VAV2: variants seen among roughly 807,000 people sequenced by gnomAD.
VAV2 encodes guanine nucleotide exchange factor VAV2.
A neutral mutation model predicts 132.5 loss-of-function variants in VAV2; 67 were observed. That is an observed-to-expected ratio of 0.51 (90% CI 0.42 to 0.62). VAV2 has a LOEUF of 0.62. Among genes scored for constraint, VAV2 ranks in the 20% least tolerant of loss-of-function variants. The pLI is 0.00. For synonymous variants in VAV2, 492 were observed against 443.5 expected (o/e 1.11, Z -1.37); for missense variants, 938 against 1,153.6 (o/e 0.81, Z 2.71).
intron 2 of VAV2, among the ~76,000 whole-genome samples, chr9:133,868,658 A>G (rs1191308020): frequency 6.6e-6 from 1 of 152,264 alleles, no homozygotes; most frequent in Admixed American, 6.5e-5. Context: ...AGAAGCGTGC[A>G]TGTTTGTTAT....
At chr9:133,777,225 C>G (rs923570381) in intron 23 of VAV2, among the ~76,000 whole-genome samples, 164 bp downstream of exon 23, 1 of 152,152 alleles carries the variant, frequency 6.6e-6, no homozygotes, top group African/African-American at 2.4e-5. Flanking sequence ...CAGCCCCCCA[C>G]CCATCTTCTC....
In VAV2 at chr9:133,939,245, C is replaced by G. The variant is rs775517780; in HGVS notation, c.205-26G>C. ...CTAAAGGGAAAAAACAAAGGGAGGG[C>G]AAGGAAAAACTTATTAAAACTGTAA... On this transcript the variant is annotated intron_variant, in intron 1 of 29. Transcript: ENST00000371850. 3 of 1,596,390 alleles carry G rather than the reference C, an allele frequency of 1.9e-6. No homozygotes were observed. The South Asian group carries it at 3.3e-5, about 18-fold the overall frequency.
intron 16 of VAV2, among the ~76,000 whole-genome samples, chr9:133,786,332 C>T (rs1834222472): frequency 6.6e-6 from 1 of 152,092 alleles, no homozygotes; most frequent in Admixed American, 6.5e-5. Context: ...CACATGCACC[C>T]ATGCTGTGTG....
In VAV2 at chr9:133,853,659, C is replaced by T. The variant is rs547314748; in HGVS notation, c.380+7715G>A. On this transcript the variant is annotated intron_variant, in intron 3 of 29. Transcript: ENST00000371850. ...CACCAAAGCGCTTCCCCACCCAGGG[C>T]CAGCTCTGTCACTAGCCTTGGCTGC... Among the ~76,000 whole-genome samples, 7 of 152,282 alleles carry T rather than the reference C, an allele frequency of 4.6e-5. No homozygotes were observed. In the East Asian group the frequency reaches 1.2e-3, roughly 25 times the overall value.
Position 133,773,688 on chromosome 9 carries a change from C to T in VAV2, c.2135+1247G>A, listed in dbSNP as rs116319628. Among the ~76,000 whole-genome samples the T allele has an allele frequency of 3.0e-3, 460 of 152,084 alleles. 3 individuals are homozygous for T. Among genetic ancestry groups the T allele is most frequent in the African/African-American group, 0.01 (429 of 41,462 alleles). ...TGTTTTTACTCCTAAGACAACAATGCCTTCTTCTAGAATGTCTCCTGAAGG... is the reference window on the plus strand; with the variant it reads ...TGTTTTTACTCCTAAGACAACAATGTCTTCTTCTAGAATGTCTCCTGAAGG... On this transcript the variant is annotated intron_variant, in intron 25 of 29. Coordinates refer to ENST00000371850, the MANE Select transcript of VAV2 (RefSeq NM_001134398.2).
In VAV2 at chr9:133,914,301, G is replaced by A. The variant is rs144316483; in HGVS notation, c.321+24802C>T. Among the ~76,000 whole-genome samples, 937 of 152,262 alleles carry A rather than the reference G, an allele frequency of 6.2e-3. 9 individuals carry two copies. The highest frequency in any genetic ancestry group is 0.01 in the Middle Eastern group (3 of 294). ...AACAGGATGGGAAGACAGGTGTTCAGAAATGCACCGGGACACGAATGTCCC... is the reference window on the plus strand; with the variant it reads ...AACAGGATGGGAAGACAGGTGTTCAAAAATGCACCGGGACACGAATGTCCC... On this transcript the variant is annotated intron_variant, in intron 2 of 29. Transcript: ENST00000371850.
rs1833526437 is a variant in VAV2, at chr9:133,768,962, T to C, written c.2435-366A>G. ...CCTGATAGACAGGTGACAATGACCA[T>C]GGCTGAGGGCGAAACACACACAGCT... On this transcript the variant is annotated intron_variant, in intron 28 of 29. Coordinates refer to ENST00000371850, the MANE Select transcript of VAV2 (RefSeq NM_001134398.2). This position sits in a 1 kb window ranked among gnomAD's most constrained non-coding sequence, Gnocchi z 5.3. 6.6e-6 allele frequency among the ~76,000 whole-genome samples: 1 copy of C among 152,066 alleles called. No individual in the cohort carries two copies. Among genetic ancestry groups the C allele is most frequent in the South Asian group, 2.1e-4 (1 of 4,822 alleles).
intron 11 of VAV2, among the ~76,000 whole-genome samples, chr9:133,796,125 G>A (rs1443757671): frequency 6.6e-6 from 1 of 152,234 alleles, no homozygotes; most frequent in East Asian, 1.9e-4. Flanking sequence ...TTTCTGCCAT[G>A]GCCACCAGGA....
chr9:133,816,416 A>G (rs1322144587), intron 4 of VAV2, among the ~76,000 whole-genome samples: 1 of 152,230 alleles, frequency 6.6e-6, no homozygotes, highest in Admixed American at 6.5e-5. Context: ...GCTGTCTTTC[A>G]ATCACAATAT....
intron 1 of VAV2, among the ~76,000 whole-genome samples, chr9:133,977,893 C>G (rs1484942265): frequency 6.6e-6 from 1 of 152,222 alleles, no homozygotes; most frequent in East Asian, 1.9e-4. Flanking sequence ...TGCCCCTCAG[C>G]TGGCAAAGGG....
intron 4 of VAV2, among the ~76,000 whole-genome samples, chr9:133,818,320 C>G (rs887560223): frequency 3.3e-5 from 5 of 149,404 alleles, no homozygotes; most frequent in Non-Finnish European, 7.4e-5. Flanking sequence ...GAGGTGAGAT[C>G]GCGCCACTGC....
intron 1 of VAV2, among the ~76,000 whole-genome samples, chr9:133,943,057 G>A (rs1039362379): frequency 1.3e-5 from 2 of 152,242 alleles, no homozygotes; most frequent in Non-Finnish European, 2.9e-5. Flanking sequence ...TAAGGACGTG[G>A]GCACCTGACC....
chr9:133,906,517 GC>G (rs1450871357), intron 2 of VAV2, among the ~76,000 whole-genome samples: 1 of 152,180 alleles, frequency 6.6e-6, no homozygotes, highest in East Asian at 1.9e-4. Context: ...CTTCAATCCT[GC>G]AAGGACGTGG....
At chr9:133,805,805 T>G (rs1409564213) in intron 9 of VAV2, among the ~76,000 whole-genome samples, 3 of 152,188 alleles carry the variant, frequency 2.0e-5, no homozygotes, top group Non-Finnish European at 2.9e-5. Context: ...CCGAGCCACT[T>G]GGATGGCCAC....
At chr9:133,909,344 G>A (rs1182101839) in intron 2 of VAV2, among the ~76,000 whole-genome samples, 1 of 152,152 alleles carries the variant, frequency 6.6e-6, no homozygotes, top group Non-Finnish European at 1.5e-5. Context: ...CTCAGCAGGA[G>A]GTTCAAAACT....
At chr9:133,786,734 T>G (rs528590865) in intron 16 of VAV2, among the ~76,000 whole-genome samples, 1 of 152,248 alleles carries the variant, frequency 6.6e-6, no homozygotes, top group South Asian at 2.1e-4. Flanking sequence ...CCCACAGGCC[T>G]CGCCATCTCT....
Position 133,825,320 on chromosome 9 carries a change from C to T in VAV2, c.449+8952G>A, listed in dbSNP as rs75410115. Among the ~76,000 whole-genome samples the T allele has an allele frequency of 4.6e-4, 70 of 152,264 alleles. No homozygotes were observed. The East Asian group carries it at 0.013, about 28-fold the overall frequency. ...CGAGCCTCGGGCCACCAGGGAGGGACGGGGGGATGCCTGTCAACACCTCCT... is the reference window on the plus strand; with the variant it reads ...CGAGCCTCGGGCCACCAGGGAGGGATGGGGGGATGCCTGTCAACACCTCCT... On this transcript the variant is annotated intron_variant, in intron 4 of 29. Coordinates refer to ENST00000371850, the MANE Select transcript of VAV2 (RefSeq NM_001134398.2).
chr9:133,861,780 T>C (rs1463097967), intron 2 of VAV2, among the ~76,000 whole-genome samples: 2 of 152,152 alleles, frequency 1.3e-5, no homozygotes, highest in Non-Finnish European at 2.9e-5. Flanking sequence ...ACTCATCCCA[T>C]GCTGCTGTTC....
In VAV2 at chr9:133,768,124, T is replaced by G. The variant is rs975231471; in HGVS notation, c.2589+318A>C. 2.6e-5 allele frequency among the ~76,000 whole-genome samples: 4 copies of G among 152,082 alleles called. No individual in the cohort carries two copies. The highest frequency in any genetic ancestry group is 9.7e-5 in the African/African-American group (4 of 41,396). ...CAGAGCTTGGGGACTTGCAAGTAAT[T>G]TGGCGAGTGCAGCTATGAGGGCAGC... On this transcript the variant is annotated intron_variant, in intron 29 of 29. Coordinates refer to ENST00000371850, the MANE Select transcript of VAV2 (RefSeq NM_001134398.2). This position sits in a 1 kb window ranked among gnomAD's most constrained non-coding sequence, Gnocchi z 5.3.
Sources: gnomAD v4.1 joint callset for allele counts (sites outside exome capture counted in the v4.1 genomes callset) on GRCh38, gnomAD v4.1.1 for gene constraint, Gnocchi (gnomAD v3.1) non-coding constraint, MANE v1.5 for transcripts, NCBI Gene and HGNC (gene_info 2026-07-23, HGNC 2026-07-21) for gene names.